Variants in PRDM15 observed in about 807,000 individuals in gnomAD.
PRDM15 encodes the protein PR/SET domain 15.
In PRDM15, 64 loss-of-function variants were observed where a neutral mutation model predicts 128.6. That is an observed-to-expected ratio of 0.50 (90% CI 0.41 to 0.61). The LOEUF is 0.61. PRDM15 is among the 20% of genes least tolerant of loss of function. The pLI is 0.00. For missense variants in PRDM15, 1,242 were observed against 1,569.1 expected (o/e 0.79, Z 3.52); for synonymous variants, 615 against 621.8 (o/e 0.99, Z 0.16).
rs756192430 is a variant in PRDM15, at chr21:41,823,401, C to T, written c.1678G>A (p.Asp560Asn). 23 of 1,567,702 alleles carry T rather than the reference C, an allele frequency of 1.5e-5. No individual in the cohort carries two copies. The highest frequency in any genetic ancestry group is 1.9e-5 in the Admixed American group (1 of 53,028). Residue 560 changes from aspartate (D) to asparagine (N), a missense_variant, in exon 14 of 24, where the codon GAC becomes AAC. Physicochemically the swap from Asp to Asn is conservative, Grantham distance 23. This residue lies in a region of PRDM15 where 28 missense variants were observed against 63.8 expected (regional missense o/e 0.44). Coordinates refer to ENST00000398548, the MANE Select transcript of PRDM15 (RefSeq NM_001040424.3). Reference sequence around the variant, plus strand: ...CAGATCTCGCAGGTGTACTTCTTGTCGCCGTGGGTGAGCAGGTGCTTGTTC... The same window carrying T: ...CAGATCTCGCAGGTGTACTTCTTGTTGCCGTGGGTGAGCAGGTGCTTGTTC... ...NMNKHLLTHG[D>N]KKYTCEICGR...
At chr21:41,866,134 C>T (rs1380603736) in intron 1 of PRDM15, among the ~76,000 whole-genome samples, 1 of 152,126 alleles carries the variant, frequency 6.6e-6, no homozygotes, top group Non-Finnish European at 1.5e-5. Context: ...GTATGTAGCA[C>T]CCTATGTATA....
chr21:41,841,015 G>A (rs2063059072), intron 6 of PRDM15, among the ~76,000 whole-genome samples: 1 of 152,036 alleles, frequency 6.6e-6, no homozygotes, highest in Non-Finnish European at 1.5e-5. Flanking sequence ...AATATGAGCA[G>A]GAGCTAAGAA....
At chr21:41,871,675 TCCA>T (rs1271153128) in intron 1 of PRDM15, 1 of 1,546,500 alleles carries the variant, frequency 6.5e-7, no homozygotes, top group African/African-American at 1.4e-5. Flanking sequence ...ACTGTCCCTC[TCCA>T]CGTGTCTTGA....
intron 1 of PRDM15, among the ~76,000 whole-genome samples, chr21:41,868,037 C>CAAA (rs35935542): frequency 7.6e-6 from 1 of 130,794 alleles, no homozygotes; most frequent in Non-Finnish European, 1.7e-5. Context: ...AACATTGTCT[C>CAAA]AAAAAAAAAA....
intron 19 of PRDM15, among the ~76,000 whole-genome samples, chr21:41,815,231 A>G (rs543915390): frequency 6.6e-6 from 1 of 152,228 alleles, no homozygotes; most frequent in Non-Finnish European, 1.5e-5. Context: ...TTCTATGCAC[A>G]TCAGCGTAGT....
At chr21:41,864,717 C>A (rs964707180) in intron 1 of PRDM15, among the ~76,000 whole-genome samples, 1 of 152,128 alleles carries the variant, frequency 6.6e-6, no homozygotes, top group East Asian at 1.9e-4. Flanking sequence ...TCTGCCTGGG[C>A]CGCCAACCCA....
intron 1 of PRDM15, among the ~76,000 whole-genome samples, chr21:41,876,369 G>A (rs1413459315): frequency 6.6e-6 from 1 of 152,136 alleles, no homozygotes; most frequent in Non-Finnish European, 1.5e-5. Flanking sequence ...CAGAAATAAG[G>A]AGACGGGAGC....
In PRDM15 at chr21:41,811,508, G is replaced by T; in HGVS notation, c.2393-672C>A. ...AAAATAAAATAAAATAACCAGCCGGGCATGATGGTGTGTGCCTGTAGTCCC... is the reference window on the plus strand; with the variant it reads ...AAAATAAAATAAAATAACCAGCCGGTCATGATGGTGTGTGCCTGTAGTCCC... On this transcript the variant is annotated intron_variant, in intron 19 of 23. Coordinates refer to ENST00000398548, the MANE Select transcript of PRDM15 (RefSeq NM_001040424.3). The surrounding 1 kb of genome is among the most constrained non-coding windows in gnomAD (Gnocchi z 4.1). The T allele has an allele frequency of 6.6e-6, 1 of 152,292 alleles. No individual in the cohort carries two copies. The highest frequency in any genetic ancestry group is 1.5e-5 in the Non-Finnish European group (1 of 68,380). 9.4% of individuals were successfully genotyped at this position (152,292 alleles called of 1,614,324 possible).
rs1315587336 is a variant in PRDM15 at position 41,819,674 on chromosome 21, C to T, written c.2168G>A (p.Cys723Tyr). Reference sequence around the variant, plus strand: ...GTCCTTCCTGGCAAAGGACTTCCCACACTGCTCGCAGGCGTGGCTCTTCAC... The same window carrying T: ...GTCCTTCCTGGCAAAGGACTTCCCATACTGCTCGCAGGCGTGGCTCTTCAC... ...TGVKSHACEQ[C>Y]GKSFARKDML... Residue 723 changes from cysteine to tyrosine, a missense_variant, in exon 18 of 24, where the codon TGT becomes TAT. Transcript: ENST00000398548. 6.2e-7 allele frequency: 1 copy of T among 1,607,888 alleles called. No individual in the cohort carries two copies. The highest frequency in any genetic ancestry group is 1.7e-5 in the Admixed American group (1 of 59,670).
chr21:41,877,104 G>T (rs1376718445), intron 1 of PRDM15, among the ~76,000 whole-genome samples: 3 of 151,970 alleles, frequency 2.0e-5, no homozygotes, highest in Non-Finnish European at 2.9e-5. Context: ...GCCTGGTGGG[G>T]GCAGGCACCA....
intron 21 of PRDM15, among the ~76,000 whole-genome samples, chr21:41,806,412 TCAC>T (rs1568882730): frequency 1.6e-4 from 1 of 6,174 alleles, no homozygotes; most frequent in African/African-American, 4.2e-4. Context: ...ACCACCACCA[TCAC>T]CACCACCACC....
chr21:41,820,822 G>C (rs1333244627), intron 16 of PRDM15, among the ~76,000 whole-genome samples: 6 of 152,180 alleles, frequency 3.9e-5, no homozygotes, highest in Non-Finnish European at 5.9e-5. Context: ...CAGGAACCCC[G>C]CTATTTTCCT....
chr21:41,874,525 A>ATT (rs61045274), intron 1 of PRDM15, among the ~76,000 whole-genome samples: 2,750 of 95,732 alleles, frequency 0.029, 76 homozygotes, highest in South Asian at 0.045. Flanking sequence ...ATATATATAT[A>ATT]TTTTTTTTTT....
Position 41,862,228 on chromosome 21 carries a change from A to G in PRDM15, c.-9-1856T>C, listed in dbSNP as rs1482466622. ...ACGGTCAGGAGCTTGGGCGATGGGA[A>G]CGATAGGCCTTAAGAGGCGCCCCAC... On this transcript the variant is annotated intron_variant, in intron 1 of 23. Coordinates refer to ENST00000398548, the MANE Select transcript of PRDM15 (RefSeq NM_001040424.3). This position sits in a 1 kb window ranked among gnomAD's most constrained non-coding sequence, Gnocchi z 4.1. Among the ~76,000 whole-genome samples, 2 of 152,194 alleles carry G rather than the reference A, an allele frequency of 1.3e-5. No individual in the cohort carries two copies. The highest frequency in any genetic ancestry group is 1.3e-4 in the Admixed American group (2 of 15,284).
chr21:41,836,188 G>A lies in PRDM15; in HGVS notation c.1203C>T (p.Cys401=), dbSNP rs377336502. The A allele has an allele frequency of 3.0e-5, 48 of 1,613,764 alleles. No individual in the cohort carries two copies. Among genetic ancestry groups the A allele is most frequent in the Middle Eastern group, 1.6e-4 (1 of 6,084 alleles). ...GGCTGAACAATTTTGCACACTCTTC[G>A]CACTTAAACAGCTTGTCACCTGAGG... ...VRSHGDKLFK[C]EECAKLFSRK... is the part of the protein sequence containing the mutation. Residue 401 remains cysteine (C), a synonymous_variant, in exon 10 of 24, where the codon TGC becomes TGT. Coordinates refer to ENST00000398548, the MANE Select transcript of PRDM15 (RefSeq NM_001040424.3).
intron 21 of PRDM15, among the ~76,000 whole-genome samples, chr21:41,806,379 TCACCACCACCACCATCACCAC>T (rs1568882396): frequency 0.024 from 223 of 9,138 alleles, 9 homozygotes; most frequent in Non-Finnish European, 0.031. Context: ...ACTACCACCA[TCACCACCACCACCATCACCAC>T]CACCACCACC....
At chr21:41,847,065 G>A (rs2063287582) in intron 6 of PRDM15, 25 bp downstream of exon 6, 1 of 1,450,828 alleles carries the variant, frequency 6.9e-7, no homozygotes. Flanking sequence ...TTTTACAACT[G>A]GGGCTCCCCA....
chr21:41,823,206 T>A (rs2062345816), intron 14 of PRDM15, 112 bp downstream of exon 14: 2 of 1,359,642 alleles, frequency 1.5e-6, no homozygotes, highest in African/African-American at 1.4e-5. Context: ...GCAGCACATG[T>A]CTGCCCAGAA....
chr21:41,832,354 T>C lies in PRDM15; in HGVS notation c.1366+3083A>G, dbSNP rs2062722055. ...CACCTTACAGCACTGTGGCATCGGA[T>C]CACCACAGGCCACACCTTTACAGCA... is the stretch of plus-strand genomic sequence containing the variant. On this transcript the variant is annotated intron_variant, in intron 11 of 23. Coordinates refer to ENST00000398548, the MANE Select transcript of PRDM15 (RefSeq NM_001040424.3). The surrounding 1 kb of genome is among the most constrained non-coding windows in gnomAD (Gnocchi z 4.2). 6.6e-6 allele frequency among the ~76,000 whole-genome samples: 1 copy of C among 151,782 alleles called. No homozygotes were observed. Among genetic ancestry groups the C allele is most frequent in the Non-Finnish European group, 1.5e-5 (1 of 67,972 alleles).
Sources: gnomAD v4.1 joint callset for allele counts (sites outside exome capture counted in the v4.1 genomes callset) on GRCh38, gnomAD v4.1.1 for gene constraint, gnomAD v4.1.1 regional missense constraint, Gnocchi (gnomAD v3.1) non-coding constraint, MANE v1.5 for transcripts, NCBI Gene and HGNC (gene_info 2026-07-23, HGNC 2026-07-21) for gene names.